The following MAP2K1 variants were observed in gnomAD, a reference collection of about 807,000 sequenced individuals.
MAP2K1 encodes the protein dual specificity mitogen-activated protein kinase kinase 1.
Under a neutral mutation model 46.3 loss-of-function variants are expected in MAP2K1, and 16 were observed. That is an observed-to-expected ratio of 0.35 (90% CI 0.23 to 0.52). The LOEUF is 0.52. Among genes scored for constraint, MAP2K1 ranks in the 20% least tolerant of loss-of-function variants. MAP2K1 has a pLI of 0.94. For missense variants in MAP2K1, 263 were observed against 497.1 expected (o/e 0.53, Z 4.48); for synonymous variants, 183 against 185.6 (o/e 0.99, Z 0.11).
At chr15:66,428,266 TTGTGCG>T (rs1290666702) in intron 1 of MAP2K1, among the ~76,000 whole-genome samples, 1 of 124,982 alleles carries the variant, frequency 8.0e-6, no homozygotes, top group African/African-American at 3.0e-5. Context: ...CCAACAGCAG[TTGTGCG>T]TGTGTGTGTG....
chr15:66,407,296 T>A (rs2093399861), intron 1 of MAP2K1, among the ~76,000 whole-genome samples: 1 of 152,220 alleles, frequency 6.6e-6, no homozygotes, highest in Non-Finnish European at 1.5e-5. Flanking sequence ...TTCCCAATCC[T>A]ATTTTGAATA....
chr15:66,478,940 TCAGTGGA>T (rs914946609), intron 5 of MAP2K1, among the ~76,000 whole-genome samples: 13 of 152,264 alleles, frequency 8.5e-5, no homozygotes, highest in Admixed American at 2.6e-4. Flanking sequence ...TAGCAGGTGT[TCAGTGGA>T]CAGTAGGTGA....
intron 4 of MAP2K1, among the ~76,000 whole-genome samples, 164 bp from the exon 5 acceptor site, chr15:66,444,492 C>T (rs921386443): frequency 6.6e-6 from 1 of 152,134 alleles, no homozygotes; most frequent in Non-Finnish European, 1.5e-5. Flanking sequence ...GAGATCGCGC[C>T]ATTGCATTCC....
intron 1 of MAP2K1, among the ~76,000 whole-genome samples, chr15:66,427,197 G>T (rs1048892167): frequency 3.9e-5 from 6 of 152,168 alleles, no homozygotes; most frequent in African/African-American, 1.4e-4. Flanking sequence ...TTTTTTAAAA[G>T]TTGGAATCAT....
At chr15:66,442,442 T>C (rs1053681517) in intron 3 of MAP2K1, among the ~76,000 whole-genome samples, 2 of 152,220 alleles carry the variant, frequency 1.3e-5, no homozygotes, top group Admixed American at 1.3e-4. Context: ...ATAGAAATCA[T>C]GTTCATCCTT....
chr15:66,395,760 T>C (rs1303175900), intron 1 of MAP2K1, among the ~76,000 whole-genome samples: 1 of 151,640 alleles, frequency 6.6e-6, no homozygotes, highest in African/African-American at 2.4e-5. Flanking sequence ...TTATTTTTAG[T>C]AGAGACGGCG....
At position 66,485,100 on chromosome 15, in the gene MAP2K1, C is replaced by G. The variant is rs371652992; in HGVS notation, c.804C>G (p.Ala268=). The G allele has an allele frequency of 6.9e-4, 1,110 of 1,613,972 alleles. 18 individuals carry two copies. In the South Asian group the frequency reaches 0.011, roughly 17 times the overall value. Residue 268 remains alanine (A), a synonymous_variant, in exon 7 of 11, where the codon GCC becomes GCG. Coordinates refer to ENST00000307102, the MANE Select transcript of MAP2K1 (RefSeq NM_002755.4). ...GGTATCCCATCCCTCCTCCAGATGC[C>G]AAGGAGCTGGAGCTGATGTTTGGGT... ...VGRYPIPPPD[A]KELELMFGCQ...
At position 66,490,305 on chromosome 15, in the gene MAP2K1, G is replaced by C. The variant is rs1893207447; in HGVS notation, c.1069-197G>C. On this transcript the variant is annotated intron_variant, in intron 10 of 10. Coordinates refer to ENST00000307102, the MANE Select transcript of MAP2K1 (RefSeq NM_002755.4). Reference sequence around the variant, plus strand: ...GGCTCCAAGAGGTGACTTGCCCAAGGCCTCACAGCTGCTGTGACTGGTGGA... The same window carrying C: ...GGCTCCAAGAGGTGACTTGCCCAAGCCCTCACAGCTGCTGTGACTGGTGGA... 1.6e-5 allele frequency: 11 copies of C among 693,038 alleles called. No individual in the cohort carries two copies. The Admixed American group carries it at 2.2e-4, about 14-fold the overall frequency. The allele number at this position is 693,038 out of a possible 1,614,324, so 42.9% of individuals were successfully genotyped here.
intron 1 of MAP2K1, among the ~76,000 whole-genome samples, chr15:66,405,616 A>G (rs1025838590): frequency 6.6e-6 from 1 of 152,164 alleles, no homozygotes; most frequent in East Asian, 1.9e-4. Context: ...AGATTTTCCC[A>G]TGCCCCACAT....
chr15:66,387,688 G>T (rs2093345382), intron 1 of MAP2K1, among the ~76,000 whole-genome samples: 1 of 152,202 alleles, frequency 6.6e-6, no homozygotes, highest in South Asian at 2.1e-4. Flanking sequence ...CCACTGTACA[G>T]TCTTCTCCCA....
chr15:66,387,121 C>T lies in MAP2K1; in HGVS notation c.-227C>T, dbSNP rs2093342830. Reference sequence around the variant, plus strand: ...CCGCTCCTGCAGGGCAGCCTTTCGGCTCTCTGCGCGCGAAGCCGAGTCCCG... The same window carrying T: ...CCGCTCCTGCAGGGCAGCCTTTCGGTTCTCTGCGCGCGAAGCCGAGTCCCG... On this transcript the variant is annotated 5_prime_UTR_variant, in exon 1 of 11. Coordinates refer to ENST00000307102, the MANE Select transcript of MAP2K1 (RefSeq NM_002755.4). The T allele has an allele frequency of 2.2e-6, 1 of 447,218 alleles. No individual in the cohort carries two copies. The highest frequency in any genetic ancestry group is 3.9e-6 in the Non-Finnish European group (1 of 253,404). 27.7% of individuals were successfully genotyped at this position (447,218 alleles called of 1,614,324 possible). A position where few individuals can be genotyped will look rare whatever the true frequency, so the allele number is the denominator to read the frequency against.
At chr15:66,399,992 ATT>A (rs1030372030) in intron 1 of MAP2K1, among the ~76,000 whole-genome samples, 1 of 152,142 alleles carries the variant, frequency 6.6e-6, no homozygotes, top group African/African-American at 2.4e-5. Flanking sequence ...TAAGTACTTT[ATT>A]ATATTACTAT....
Position 66,387,236 on chromosome 15 carries a change from G to C in MAP2K1, c.-112G>C. 1.2e-6 allele frequency: 1 copy of C among 867,506 alleles called. No homozygotes were observed. The allele number at this position is 867,506 out of a possible 1,614,324, so 53.7% of individuals were successfully genotyped here. On this transcript the variant is annotated 5_prime_UTR_variant, in exon 1 of 11. Coordinates refer to ENST00000307102, the MANE Select transcript of MAP2K1 (RefSeq NM_002755.4). ...GGCGCACCCGCTGAAGGCAGCCCCG[G>C]GGCCCGCGGCCCGGACTTGGTCCTG...
chr15:66,443,789 C>T (rs1891785969), intron 4 of MAP2K1, among the ~76,000 whole-genome samples: 2 of 152,172 alleles, frequency 1.3e-5, no homozygotes, highest in South Asian at 4.1e-4. Context: ...GGGAAGATCA[C>T]TTGAGAGGCT....
At chr15:66,437,354 A>G (rs192808351) in intron 3 of MAP2K1, among the ~76,000 whole-genome samples, 121 of 152,324 alleles carry the variant, frequency 7.9e-4, no homozygotes, top group Non-Finnish European at 1.5e-3. Context: ...ATGGAGAGAG[A>G]GGGCATTCAT....
At chr15:66,404,836 G>A (rs1381949704) in intron 1 of MAP2K1, among the ~76,000 whole-genome samples, 1 of 152,166 alleles carries the variant, frequency 6.6e-6, no homozygotes, top group African/African-American at 2.4e-5. Context: ...TTGGGTTACC[G>A]GAGGCTTGCC....
chr15:66,486,831 T>G (rs1397723039), intron 7 of MAP2K1, among the ~76,000 whole-genome samples: 2 of 152,144 alleles, frequency 1.3e-5, no homozygotes, highest in African/African-American at 2.4e-5. Flanking sequence ...GGCTCGCCAG[T>G]GACTCTAGGA....
intron 1 of MAP2K1, among the ~76,000 whole-genome samples, chr15:66,397,602 T>C (rs2093371295): frequency 6.6e-6 from 1 of 152,216 alleles, no homozygotes; most frequent in South Asian, 2.1e-4. Context: ...AAATTGTAAA[T>C]GTTGATAAAT....
At chr15:66,428,953 T>TG (rs1200332274) in intron 1 of MAP2K1, among the ~76,000 whole-genome samples, 3 of 151,922 alleles carry the variant, frequency 2.0e-5, no homozygotes, top group African/African-American at 7.3e-5. Context: ...CTAATTTTTC[T>TG]ATTTTTTGTA....
Sources: gnomAD v4.1 joint callset for allele counts (sites outside exome capture counted in the v4.1 genomes callset) on GRCh38, gnomAD v4.1.1 for gene constraint, MANE v1.5 for transcripts, NCBI Gene and HGNC (gene_info 2026-07-23, HGNC 2026-07-21) for gene names.